The following PIK3C2G variants were observed in gnomAD, a reference collection of about 807,000 sequenced individuals.
PIK3C2G encodes phosphatidylinositol-4-phosphate 3-kinase catalytic subunit type 2 gamma, also known as phosphatidylinositol 3-kinase C2 domain-containing subunit gamma.
PIK3C2G carries 168 observed loss-of-function variants against 181.1 expected under a neutral mutation model. The ratio of observed to expected loss-of-function variants is 0.93; its 90% CI spans 0.82 to 1.05. PIK3C2G has a LOEUF of 1.05. PIK3C2G is among the 50% of genes least tolerant of loss of function. The pLI, the probability that PIK3C2G is intolerant of heterozygous loss-of-function variation, is 0.00. For missense variants in PIK3C2G, 1,869 were observed against 1,732.8 expected, an observed-to-expected ratio of 1.08 and a Z score of -1.40; for synonymous variants, 573 against 592.2, an observed-to-expected ratio of 0.97 and a Z score of 0.47.
At chr12:18,462,271 T>G (rs1947959295) in intron 18 of PIK3C2G, among the ~76,000 whole-genome samples, 1 of 152,168 alleles carries the variant, frequency 6.6e-6, no homozygotes, top group South Asian at 2.1e-4. Flanking sequence ...GCTGAAGAAA[T>G]TTAATTCCAA....
the PIK3C2G span, among the ~76,000 whole-genome samples, chr12:18,685,830 T>TCA: frequency 1.6e-5 from 2 of 123,166 alleles, no homozygotes; most frequent in South Asian, 2.4e-4. Flanking sequence ...TCTCTCTCTG[T>TCA]CACACACACA....
the PIK3C2G span, among the ~76,000 whole-genome samples, chr12:18,663,694 T>G: frequency 6.6e-6 from 1 of 151,698 alleles, no homozygotes; most frequent in East Asian, 1.9e-4. Context: ...TTGGCAATGA[T>G]TTGTGAGACA....
intron 14 of PIK3C2G, among the ~76,000 whole-genome samples, chr12:18,389,907 T>A (rs1332541658): frequency 6.6e-6 from 1 of 152,204 alleles, no homozygotes; most frequent in Non-Finnish European, 1.5e-5. Flanking sequence ...AGTATCAACA[T>A]AAAATTATAC....
At chr12:18,654,725 G>C in the PIK3C2G span, among the ~76,000 whole-genome samples, 1 of 152,142 alleles carries the variant, frequency 6.6e-6, no homozygotes, top group African/African-American at 2.4e-5. Context: ...GGTCTGATAA[G>C]ATTATCTTTT....
rs1360997422 is a variant in PIK3C2G at position 18,586,062 on chromosome 12, C to A, written c.4012-8432C>A. ...ACAGCTAAAGCAGTGTTAAGAGGGA[C>A]ATTTATAGCTCTAAACACCCACATC... On this transcript the variant is annotated intron_variant, in intron 29 of 32. Transcript: ENST00000538779. Among the ~76,000 whole-genome samples the A allele has an allele frequency of 2.6e-5, 4 of 152,006 alleles. No individual in the cohort carries two copies. In the South Asian group the frequency reaches 8.3e-4, roughly 32 times the overall value.
the PIK3C2G span, among the ~76,000 whole-genome samples, chr12:18,671,786 A>G: frequency 3.3e-3 from 503 of 152,340 alleles, 5 homozygotes; most frequent in African/African-American, 0.011. Flanking sequence ...TAACAAAAAT[A>G]TCATCCATGG....
intron 5 of PIK3C2G, among the ~76,000 whole-genome samples, chr12:18,299,490 G>T (rs962778089): frequency 6.6e-6 from 1 of 151,842 alleles, no homozygotes; most frequent in African/African-American, 2.4e-5. Flanking sequence ...TCTGCAAAGA[G>T]GGACAACTTG....
intron 31 of PIK3C2G, among the ~76,000 whole-genome samples, chr12:18,635,724 C>T (rs914411357): frequency 6.6e-6 from 1 of 152,180 alleles, no homozygotes; most frequent in Admixed American, 6.5e-5. Flanking sequence ...GGCAAAGCAG[C>T]TTGCACAGCA....
chr12:18,585,034 G>A lies in PIK3C2G; in HGVS notation c.4012-9460G>A, dbSNP rs115395614. Among the ~76,000 whole-genome samples the A allele has an allele frequency of 7.1e-3, 1,077 of 152,204 alleles. 10 individuals are homozygous for A. Among genetic ancestry groups the A allele is most frequent in the African/African-American group, 0.024 (1,011 of 41,526 alleles). On this transcript the variant is annotated intron_variant, in intron 29 of 32. Transcript: ENST00000538779. Reference sequence around the variant, plus strand: ...CACCAGACCTGCCTTACAAGAGATCGTGAAAGGAGCACTAAATATAGAAAG... The same window carrying A: ...CACCAGACCTGCCTTACAAGAGATCATGAAAGGAGCACTAAATATAGAAAG...
At chr12:18,264,199 G>GT (rs148926808) in intron 1 of PIK3C2G, among the ~76,000 whole-genome samples, 1 of 152,086 alleles carries the variant, frequency 6.6e-6, no homozygotes, top group Non-Finnish European at 1.5e-5. Flanking sequence ...AATAGAAAAT[G>GT]TTTTTTAAGT....
intron 32 of PIK3C2G, among the ~76,000 whole-genome samples, chr12:18,646,116 A>G (rs1478582377): frequency 6.6e-6 from 1 of 152,196 alleles, no homozygotes; most frequent in Non-Finnish European, 1.5e-5. Context: ...TAGGGTTCTG[A>G]GATTTTTTAA....
chr12:18,650,821 A>G (rs972690859), downstream of PIK3C2G, among the ~76,000 whole-genome samples: 3 of 146,162 alleles, frequency 2.1e-5, no homozygotes, highest in Non-Finnish European at 4.5e-5. Flanking sequence ...CCCAAATCCA[A>G]TCACCAACCA....
intron 1 of PIK3C2G, among the ~76,000 whole-genome samples, chr12:18,276,090 C>T (rs749806265): frequency 4.6e-5 from 7 of 152,150 alleles, no homozygotes; most frequent in African/African-American, 7.2e-5. Flanking sequence ...GATCAGTAAG[C>T]GTTCTCATTG....
At chr12:18,551,657 A>G (rs969797881) in intron 26 of PIK3C2G, among the ~76,000 whole-genome samples, 4 of 152,094 alleles carry the variant, frequency 2.6e-5, no homozygotes, top group African/African-American at 4.8e-5. Flanking sequence ...AAACAACAAG[A>G]CAAATTGTTT....
intron 24 of PIK3C2G, among the ~76,000 whole-genome samples, chr12:18,530,655 G>A (rs1029859957): frequency 6.6e-6 from 1 of 152,142 alleles, no homozygotes; most frequent in South Asian, 2.1e-4. Context: ...CAATGTTACA[G>A]GAGGGACCTG....
chr12:18,324,469 T>C (rs1051832650), intron 7 of PIK3C2G, among the ~76,000 whole-genome samples: 1 of 152,174 alleles, frequency 6.6e-6, no homozygotes, highest in Non-Finnish European at 1.5e-5. Flanking sequence ...GAAGGTAAAG[T>C]CAATAATGTT....
At chr12:18,259,092 G>A (rs764128091), upstream of PIK3C2G, among the ~76,000 whole-genome samples, 4 of 151,996 alleles carry the variant, frequency 2.6e-5, no homozygotes, top group Non-Finnish European at 5.9e-5. Context: ...TAGTAACTAG[G>A]TTCGGGTCAC....
the PIK3C2G span, among the ~76,000 whole-genome samples, chr12:18,702,248 G>A: frequency 1.3e-5 from 2 of 151,640 alleles, no homozygotes; most frequent in African/African-American, 2.4e-5. Flanking sequence ...TTAAAGATTC[G>A]TAATAAAGGC....
In PIK3C2G at chr12:18,648,100, T is replaced by A. The variant is rs529236095; in HGVS notation, c.*72T>A. ...TTCACTTCTGGGCCTCTGAATCACA[T>A]AAGTAAGGCATCTTTGTTGTCAAAG... is the stretch of plus-strand genomic sequence containing the variant. On this transcript the variant is annotated 3_prime_UTR_variant, in exon 33 of 33. Coordinates refer to ENST00000538779, the MANE Select transcript of PIK3C2G (RefSeq NM_001288772.2). 1.7e-5 allele frequency: 15 copies of A among 902,756 alleles called. No individual in the cohort carries two copies. The highest frequency in any genetic ancestry group is 2.1e-5 in the Non-Finnish European group (13 of 621,080). 55.9% of individuals were successfully genotyped at this position (902,756 alleles called of 1,614,324 possible).
Sources: allele counts gnomAD v4.1 joint callset (sites outside exome capture counted in the v4.1 genomes callset), GRCh38; gene constraint gnomAD v4.1.1; transcripts MANE v1.5; gene names NCBI Gene and HGNC (gene_info 2026-07-23, HGNC 2026-07-21).